Variants in TPCN1 observed in about 807,000 individuals in gnomAD.
TPCN1 encodes the protein two pore segment channel 1.
Under a neutral mutation model 108.8 loss-of-function variants are expected in TPCN1, and 52 were observed. The ratio of observed to expected loss-of-function variants is 0.48; its 90% CI spans 0.38 to 0.60. The LOEUF (loss-of-function observed/expected upper bound fraction) is 0.60, where lower values mean the gene tolerates loss of function less well. Ranked by LOEUF, TPCN1 falls within the 20% of genes least tolerant of loss-of-function variation. The pLI, the probability that TPCN1 is intolerant of heterozygous loss-of-function variation, is 0.00. For missense variants in TPCN1, 806 were observed against 1,072.8 expected, an observed-to-expected ratio of 0.75 and a Z score of 3.47; for synonymous variants, 446 against 433.7, an observed-to-expected ratio of 1.03 and a Z score of -0.35.
intron 1 of TPCN1, chr12:113,225,323 C>G (rs1392498561): frequency 2.3e-6 from 1 of 442,408 alleles, no homozygotes; most frequent in South Asian, 1.6e-5. Context: ...CCTCCCAAAG[C>G]GCTGAGATTA....
intron 2 of TPCN1, chr12:113,244,567 A>C: frequency 1.0e-6 from 1 of 985,440 alleles, no homozygotes; most frequent in Non-Finnish European, 1.2e-6. Context: ...GCCGGCACAG[A>C]AGCATGGTGG....
Position 113,288,882 on chromosome 12 carries a change from A to G in TPCN1, c.1796+35A>G. The G allele has an allele frequency of 5.6e-6, 9 of 1,607,158 alleles. No homozygotes were observed. The highest frequency in any genetic ancestry group is 7.7e-6 in the Non-Finnish European group (9 of 1,175,262). ...CCCCACCCAGCCCCAGGCAGCCTGC[A>G]TTTCCCGGGCAGAGGGCTGGCCAGG... On this transcript the variant is annotated intron_variant, in intron 21 of 27. Coordinates refer to ENST00000335509, the MANE Select transcript of TPCN1 (RefSeq NM_017901.6). This position sits in a 1 kb window ranked among gnomAD's most constrained non-coding sequence, Gnocchi z 4.8.
At position 113,277,253 on chromosome 12, in the gene TPCN1, T is replaced by C. The variant is rs1267384667; in HGVS notation, c.1073T>C (p.Ile358Thr). ...CCTCTCCCCCAGAGGCCTGCCGGCA[T>C]CTCCTACAGGCAGTTTGAAGGCCTC... ...LLISQRRPAG[I>T]SYRQFEGLMR... Residue 358 changes from isoleucine to threonine, a missense_variant, in exon 12 of 28, where the codon ATC (isoleucine) becomes ACC (threonine). Ile to Thr is a moderately conservative substitution (Grantham distance 89, BLOSUM62 -1). Coordinates refer to ENST00000335509, the MANE Select transcript of TPCN1 (RefSeq NM_017901.6). 6.2e-7 allele frequency: 1 copy of C among 1,613,484 alleles called. No homozygotes were observed. Among genetic ancestry groups the C allele is most frequent in the African/African-American group, 1.3e-5 (1 of 74,900 alleles).
chr12:113,277,483 TC>T, intron 12 of TPCN1, 119 bp downstream of exon 12: 2 of 1,228,698 alleles, frequency 1.6e-6, no homozygotes, highest in Non-Finnish European at 2.3e-6. Context: ...AGAGACTTCC[TC>T]CACAGATGTT....
intron 3 of TPCN1, among the ~76,000 whole-genome samples, chr12:113,260,943 A>G (rs778676015): frequency 3.3e-5 from 5 of 151,776 alleles, no homozygotes; most frequent in Admixed American, 1.3e-4. Flanking sequence ...CTGTAATCCC[A>G]GCACTTTGGG....
intron 27 of TPCN1, among the ~76,000 whole-genome samples, chr12:113,295,756 G>T (rs1461167457): frequency 6.6e-6 from 1 of 152,192 alleles, no homozygotes; most frequent in African/African-American, 2.4e-5. Flanking sequence ...ACTAGGGAAA[G>T]ATTTCATTGT....
chr12:113,229,023 G>A (rs551185475), intron 2 of TPCN1, among the ~76,000 whole-genome samples: 1 of 152,328 alleles, frequency 6.6e-6, no homozygotes, highest in East Asian at 1.9e-4. Context: ...TTTCCTGTGG[G>A]ATGAAAGGGG....
chr12:113,258,446 A>G (rs1212473302), intron 2 of TPCN1, among the ~76,000 whole-genome samples: 1 of 152,124 alleles, frequency 6.6e-6, no homozygotes. Context: ...AGCCTGGGTG[A>G]CAGAGTGAGA....
chr12:113,278,115 A>G, intron 12 of TPCN1, 74 bp from the exon 13 acceptor site: 1 of 1,330,778 alleles, frequency 7.5e-7, no homozygotes, highest in South Asian at 1.2e-5. Context: ...GTCCATAGGC[A>G]GGCAAGTAAG....
rs1956208353 is a variant in TPCN1 at position 113,289,798 on chromosome 12, G to A, written c.1797-330G>A. ...AGCCTCAAGAGCAGATCCTAGATGG[G>A]GCAGGTGCAGAGGAGGCCCTTGCCT... On this transcript the variant is annotated intron_variant, in intron 21 of 27. Transcript: ENST00000335509. The surrounding 1 kb of genome is among the most constrained non-coding windows in gnomAD (Gnocchi z 4.1). Among the ~76,000 whole-genome samples, 1 of 152,186 alleles carries A rather than the reference G, an allele frequency of 6.6e-6. No homozygotes were observed. The highest frequency in any genetic ancestry group is 1.5e-5 in the Non-Finnish European group (1 of 68,024).
chr12:113,292,389 C>G (rs1219189338), intron 25 of TPCN1: 1 of 201,752 alleles, frequency 5.0e-6, no homozygotes, highest in African/African-American at 2.4e-5. Flanking sequence ...GAATCGTATT[C>G]CTGCTGCAAC....
intron 22 of TPCN1, 94 bp downstream of exon 22, chr12:113,290,337 C>T (rs966236870): frequency 1.1e-6 from 1 of 875,494 alleles, no homozygotes; most frequent in South Asian, 1.6e-5. Context: ...TAGCAAGTGT[C>T]TGGGCCACAC....
intron 2 of TPCN1, among the ~76,000 whole-genome samples, chr12:113,227,426 C>T (rs772596099): frequency 6.6e-5 from 10 of 152,148 alleles, no homozygotes; most frequent in African/African-American, 1.9e-4. Context: ...CCCAGGACAG[C>T]GGGGAAGAGG....
rs575652290 is a variant in TPCN1, at chr12:113,276,560, A to T, written c.943-359A>T. 6.6e-5 allele frequency among the ~76,000 whole-genome samples: 10 copies of T among 152,242 alleles called. No individual in the cohort carries two copies. In the East Asian group the frequency reaches 1.9e-3, roughly 29 times the overall value. ...GAGTCGGACTGGGCTCAGAATCCAG[A>T]TGCGCCCCTCTTGCTACTCTCTCCT... is the stretch of plus-strand genomic sequence containing the variant. On this transcript the variant is annotated intron_variant, in intron 10 of 27. Coordinates refer to ENST00000335509, the MANE Select transcript of TPCN1 (RefSeq NM_017901.6).
chr12:113,237,186 T>C (rs1953929633), intron 2 of TPCN1, among the ~76,000 whole-genome samples: 1 of 152,096 alleles, frequency 6.6e-6, no homozygotes. Context: ...CAGCCCTGAA[T>C]AGGGGTTACT....
In TPCN1 at chr12:113,284,973, G is replaced by A. The variant is rs868331162; in HGVS notation, c.1453+202G>A. On this transcript the variant is annotated intron_variant, in intron 17 of 27. Transcript: ENST00000335509. This position sits in a 1 kb window ranked among gnomAD's most constrained non-coding sequence, Gnocchi z 4.1. ...TCTGGATGGAGCCCAGATCCTAGGC[G>A]TGTGTGACCCTCCACTCGGCTCTGC... Among the ~76,000 whole-genome samples, 2 of 152,174 alleles carry A rather than the reference G, an allele frequency of 1.3e-5. No individual in the cohort carries two copies. Among genetic ancestry groups the A allele is most frequent in the African/African-American group, 4.8e-5 (2 of 41,434 alleles).
intron 2 of TPCN1, among the ~76,000 whole-genome samples, chr12:113,245,130 A>G (rs1365921999): frequency 6.6e-6 from 1 of 152,078 alleles, no homozygotes; most frequent in East Asian, 1.9e-4. Flanking sequence ...TTAGCAGGGC[A>G]TGGCAATCCA....
intron 2 of TPCN1, among the ~76,000 whole-genome samples, chr12:113,238,701 T>G (rs1953987285): frequency 6.6e-6 from 1 of 152,228 alleles, no homozygotes; most frequent in African/African-American, 2.4e-5. Context: ...TTATACCTCT[T>G]TCTCTGCTCT....
chr12:113,260,491 A>G lies in TPCN1; in HGVS notation c.236A>G (p.Gln79Arg), dbSNP rs762678219. The G allele has an allele frequency of 6.4e-7, 1 of 1,571,490 alleles. No individual in the cohort carries two copies. Among genetic ancestry groups the G allele is most frequent in the Non-Finnish European group, 8.6e-7 (1 of 1,162,010 alleles). ...TACCAAGAGGCAGCAATCTACCTCCAGGTGAGTATCTCCAGTCAGGCCCTG... is the reference window on the plus strand; with the variant it reads ...TACCAAGAGGCAGCAATCTACCTCCGGGTGAGTATCTCCAGTCAGGCCCTG... ...MNYQEAAIYL[Q>R]EGENNDKFFT... is the part of the protein sequence containing the mutation. Residue 79 changes from glutamine (Q) to arginine (R), a missense_variant and splice_region_variant, in exon 3 of 28, where the codon CAG (glutamine) becomes CGG (arginine). Transcript: ENST00000335509.
Sources: gnomAD v4.1 joint callset for allele counts (sites outside exome capture counted in the v4.1 genomes callset) on GRCh38, gnomAD v4.1.1 for gene constraint, Gnocchi (gnomAD v3.1) non-coding constraint, MANE v1.5 for transcripts, NCBI Gene and HGNC (gene_info 2026-07-23, HGNC 2026-07-21) for gene names.